GRM4: variants seen among roughly 807,000 people sequenced by gnomAD.
The protein encoded by GRM4 is glutamate metabotropic receptor 4, also known as metabotropic glutamate receptor 4.
In GRM4, 28 loss-of-function variants were observed where a neutral mutation model predicts 81.7. That is an observed-to-expected ratio of 0.34 (90% CI 0.25 to 0.47). The LOEUF is 0.47. GRM4 is among the 20% of genes least tolerant of loss of function. The pLI is 1.00. For missense variants in GRM4, 948 were observed against 1,290.0 expected (o/e 0.73, Z 4.06); for synonymous variants, 488 against 528.8 (o/e 0.92, Z 1.06).
In GRM4 at chr6:34,136,562, G is replaced by C. The variant is rs1012256323; in HGVS notation, c.-363-2703C>G. ...GGCTGAGCAGTGCATGCGCGCGTGC[G>C]GACACACACACACACACACACACAC... On this transcript the variant is annotated intron_variant, in intron 1 of 10. Coordinates refer to ENST00000538487, the MANE Select transcript of GRM4 (RefSeq NM_000841.4). The surrounding 1 kb of genome is among the most constrained non-coding windows in gnomAD (Gnocchi z 4.1). Among the ~76,000 whole-genome samples the C allele has an allele frequency of 1.8e-5, 1 of 56,498 alleles. No homozygotes were observed. 37.1% of individuals were successfully genotyped at this position (56,498 alleles called of 152,430 possible).
intron 6 of GRM4, among the ~76,000 whole-genome samples, chr6:34,044,792 A>G (rs1765270747): frequency 6.7e-6 from 1 of 149,980 alleles, no homozygotes; most frequent in Non-Finnish European, 1.5e-5. Context: ...ACACACAGAC[A>G]TACATACATA....
chr6:34,059,334 T>G lies in GRM4; in HGVS notation c.873-206A>C, dbSNP rs1021493857. 160 of 591,516 alleles carry G rather than the reference T, an allele frequency of 2.7e-4. No individual in the cohort carries two copies. The highest frequency in any genetic ancestry group is 8.9e-5 in the Admixed American group (3 of 33,882). The allele number at this position is 591,516 out of a possible 1,614,324, so 36.6% of individuals were successfully genotyped here. On this transcript the variant is annotated intron_variant, in intron 4 of 10. Coordinates refer to ENST00000538487, the MANE Select transcript of GRM4 (RefSeq NM_000841.4). The surrounding 1 kb of genome is among the most constrained non-coding windows in gnomAD (Gnocchi z 5.7). ...TCATAGACCCATGGCTACCGCCTCA[T>G]CCAACCTGCCTGCCCCTGGGCCCAC...
At chr6:34,147,728 T>C (rs1410045700), upstream of GRM4, among the ~76,000 whole-genome samples, 1 of 152,184 alleles carries the variant, frequency 6.6e-6, no homozygotes, top group African/African-American at 2.4e-5. Context: ...GTTTCCTTTT[T>C]CTGATCTTCT....
chr6:34,133,123 G>C lies in GRM4; in HGVS notation c.374C>G (p.Ala125Gly). The C allele has an allele frequency of 6.2e-7, 1 of 1,613,942 alleles. No homozygotes were observed. The highest frequency in any genetic ancestry group is 1.1e-5 in the South Asian group (1 of 91,068). The change falls in exon 2 of 11, where the codon GCG becomes GGG. Residue 125 changes from alanine (A) to glycine (G), a missense_variant. By Grantham distance (60) the Ala-to-Gly change is moderately conservative (BLOSUM62 0). Coordinates refer to ENST00000538487, the MANE Select transcript of GRM4 (RefSeq NM_000841.4). The surrounding 1 kb of genome is among the most constrained non-coding windows in gnomAD (Gnocchi z 6.5). ...CTCTGTGCCATCCTTCTCGATGAGC[G>C]CCTGCACAAAGGTCAGCGACTGCTC... The part of the protein sequence containing the change: ...ALEQSLTFVQ[A>G]LIEKDGTEVR...
At chr6:34,058,207 A>T (rs1766002475) in intron 5 of GRM4, among the ~76,000 whole-genome samples, 1 of 152,230 alleles carries the variant, frequency 6.6e-6, no homozygotes, top group Non-Finnish European at 1.5e-5. Flanking sequence ...ATGACATGGT[A>T]GCCATGGGCC....
intron 3 of GRM4, among the ~76,000 whole-genome samples, chr6:34,085,198 C>T (rs1042386555): frequency 3.9e-5 from 6 of 152,154 alleles, no homozygotes; most frequent in Non-Finnish European, 4.4e-5. Context: ...AGCACAGGGG[C>T]GAAATAAATC....
At chr6:34,039,240 G>T (rs989181488) in intron 8 of GRM4, among the ~76,000 whole-genome samples, 3 of 152,220 alleles carry the variant, frequency 2.0e-5, no homozygotes, top group African/African-American at 7.2e-5. Context: ...TGACTTAGAA[G>T]ATAAGGTTGG....
In GRM4 at chr6:34,152,293, T is replaced by C. The variant is rs1163426078; in HGVS notation, c.312+2786A>G. Reference sequence around the variant, plus strand: ...GAGCCCGCATCCCACTCAGGCCACCTCCAAGCCTGGCTGCTGCGGTATCTC... The same window carrying C: ...GAGCCCGCATCCCACTCAGGCCACCCCCAAGCCTGGCTGCTGCGGTATCTC... On this transcript the variant is annotated intron_variant, in intron 1 of 8. Transcript: ENST00000374177. This position sits in a 1 kb window ranked among gnomAD's most constrained non-coding sequence, Gnocchi z 4.1. 1.3e-5 allele frequency among the ~76,000 whole-genome samples: 2 copies of C among 152,094 alleles called. No individual in the cohort carries two copies. The highest frequency in any genetic ancestry group is 2.9e-5 in the Non-Finnish European group (2 of 68,020).
Position 34,022,994 on chromosome 6 carries a change from C to CCTGAG in GRM4, c.2690-129_2690-125dup. On this transcript the variant is annotated intron_variant, in intron 10 of 10. Coordinates refer to ENST00000538487, the MANE Select transcript of GRM4 (RefSeq NM_000841.4). This position sits in a 1 kb window ranked among gnomAD's most constrained non-coding sequence, Gnocchi z 5.6. ...CTCCCCGCCTCTCATGGCATCCAGT[C>CCTGAG]CTGAGCTGAGCAATCGACACTGCCC... is the stretch of plus-strand genomic sequence containing the variant. The CCTGAG allele has an allele frequency of 1.3e-6, 1 of 793,610 alleles. No individual in the cohort carries two copies. Among genetic ancestry groups the CCTGAG allele is most frequent in the South Asian group, 1.4e-5 (1 of 70,012 alleles). 49.2% of individuals were successfully genotyped at this position (793,610 alleles called of 1,614,324 possible). A position where few individuals can be genotyped will look rare whatever the true frequency, so the allele number is the denominator to read the frequency against.
chr6:34,122,989 G>A (rs1418760239), intron 2 of GRM4, among the ~76,000 whole-genome samples: 2 of 152,186 alleles, frequency 1.3e-5, no homozygotes, highest in African/African-American at 4.8e-5. Flanking sequence ...GAGGCAGGCC[G>A]TGGAAGGCAC....
rs1438952123 is a variant in GRM4 at position 34,036,360 on chromosome 6, C to T, written c.1750G>A (p.Gly584Ser). 1 of 1,613,178 alleles carries T rather than the reference C, an allele frequency of 6.2e-7. No individual in the cohort carries two copies. The highest frequency in any genetic ancestry group is 8.5e-7 in the Non-Finnish European group (1 of 1,179,554). ...RPIPIIKLEWGSPWAVLPLFL... is the reference protein window; with the variant it reads ...RPIPIIKLEWSSPWAVLPLFL... ...AGGGGCAGCACGGCCCAGGGCGAGCCCCACTCAAGCTTGATGATGGGGATG... is the reference window on the plus strand; with the variant it reads ...AGGGGCAGCACGGCCCAGGGCGAGCTCCACTCAAGCTTGATGATGGGGATG... Residue 584 changes from glycine to serine, a missense_variant, in exon 9 of 11, where the codon GGC becomes AGC. By Grantham distance (56) the Gly-to-Ser change is moderately conservative. Coordinates refer to ENST00000538487, the MANE Select transcript of GRM4 (RefSeq NM_000841.4). The surrounding 1 kb of genome is among the most constrained non-coding windows in gnomAD (Gnocchi z 9.0).
At chr6:34,023,151 T>A (rs1311963647) in intron 10 of GRM4, among the ~76,000 whole-genome samples, 1 of 152,232 alleles carries the variant, frequency 6.6e-6, no homozygotes. Flanking sequence ...GGAGTGCCTT[T>A]CCTCTTCCCT....
At position 34,092,351 on chromosome 6, in the gene GRM4, C is replaced by T. The variant is rs1768281546; in HGVS notation, c.520-252G>A. Among the ~76,000 whole-genome samples the T allele has an allele frequency of 1.3e-5, 2 of 152,184 alleles. No homozygotes were observed. Among genetic ancestry groups the T allele is most frequent in the Admixed American group, 1.3e-4 (2 of 15,280 alleles). ...CATACATACACCACACACACATACA[C>T]CCTGGGAGCCTCTGGCTGCCTAAAT... On this transcript the variant is annotated intron_variant, in intron 2 of 10. Coordinates refer to ENST00000538487, the MANE Select transcript of GRM4 (RefSeq NM_000841.4). The surrounding 1 kb of genome is among the most constrained non-coding windows in gnomAD (Gnocchi z 6.8).
Position 34,064,979 on chromosome 6 carries a change from C to T in GRM4, c.737-2951G>A, listed in dbSNP as rs1766380769. Among the ~76,000 whole-genome samples, 1 of 152,170 alleles carries T rather than the reference C, an allele frequency of 6.6e-6. No homozygotes were observed. The highest frequency in any genetic ancestry group is 2.4e-5 in the African/African-American group (1 of 41,430). ...CAGAGCCTCCCTGAGGCGGAGAGGC[C>T]CCCATTTCCTGCAGCCGCTCCTGGA... On this transcript the variant is annotated intron_variant, in intron 3 of 10. Transcript: ENST00000538487. The surrounding 1 kb of genome is among the most constrained non-coding windows in gnomAD (Gnocchi z 4.4).
Position 34,040,667 on chromosome 6 carries a change from C to A in GRM4, c.1250G>T (p.Gly417Val). 3.1e-6 allele frequency: 5 copies of A among 1,613,994 alleles called. No individual in the cohort carries two copies. Among genetic ancestry groups the A allele is most frequent in the Non-Finnish European group, 4.2e-6 (5 of 1,179,822 alleles). The change falls in exon 7 of 11, where the codon GGC becomes GTC. Residue 417 changes from glycine (G) to valine (V), a missense_variant. Physicochemically the swap from Gly to Val is moderately radical, Grantham distance 109. Transcript: ENST00000538487. Reference sequence around the variant, plus strand: ...ACGGTGCATGGCGTGCAGCGCGTGGCCCATGGCGTACACGGCATCGATCAC... The same window carrying A: ...ACGGTGCATGGCGTGCAGCGCGTGGACCATGGCGTACACGGCATCGATCAC... The part of the protein sequence containing the change: ...QFVIDAVYAM[G>V]HALHAMHRDL...
At chr6:34,043,683 C>T (rs1036824252) in intron 6 of GRM4, among the ~76,000 whole-genome samples, 5 of 152,140 alleles carry the variant, frequency 3.3e-5, no homozygotes, top group Admixed American at 1.3e-4. Context: ...CAGAGGCTCC[C>T]GCTGAAGCAT....
chr6:34,071,441 CCA>C (rs1235219956), intron 3 of GRM4, among the ~76,000 whole-genome samples: 13 of 74,426 alleles, frequency 1.7e-4, no homozygotes, highest in African/African-American at 8.4e-4. Flanking sequence ...CAGATACACA[CCA>C]CACACACACA....
At chr6:34,061,765 G>T in intron 4 of GRM4, 128 bp downstream of exon 4, 3 of 979,516 alleles carry the variant, frequency 3.1e-6, no homozygotes, top group South Asian at 1.5e-5. Context: ...CCACTCACCA[G>T]CACCCACCTC....
Position 34,121,038 on chromosome 6 carries a change from C to T in GRM4, c.519+11940G>A, listed in dbSNP as rs944403813. On this transcript the variant is annotated intron_variant, in intron 2 of 10. Transcript: ENST00000538487. This position sits in a 1 kb window ranked among gnomAD's most constrained non-coding sequence, Gnocchi z 4.6. ...AATCATTTATTAAGATACGTGCACA[C>T]CTTGGTGAAAGAGAGTAAGCCCTTC... Among the ~76,000 whole-genome samples, 1 of 152,112 alleles carries T rather than the reference C, an allele frequency of 6.6e-6. No homozygotes were observed. The highest frequency in any genetic ancestry group is 2.4e-5 in the African/African-American group (1 of 41,386).
Sources: gnomAD v4.1 joint callset for allele counts (sites outside exome capture counted in the v4.1 genomes callset) on GRCh38, gnomAD v4.1.1 for gene constraint, Gnocchi (gnomAD v3.1) non-coding constraint, MANE v1.5 for transcripts, NCBI Gene and HGNC (gene_info 2026-07-23, HGNC 2026-07-21) for gene names.